The following ADAM22 variants were observed in gnomAD, a reference collection of about 807,000 sequenced individuals.
ADAM22 encodes the protein ADAM metallopeptidase domain 22.
A neutral mutation model predicts 144.6 loss-of-function variants in ADAM22; 65 were observed. That is an observed-to-expected ratio of 0.45 (90% CI 0.37 to 0.55). The LOEUF (loss-of-function observed/expected upper bound fraction) is 0.55, where lower values mean the gene tolerates loss of function less well. ADAM22 is among the 20% of genes least tolerant of loss of function. ADAM22 has a pLI of 0.00. For missense variants in ADAM22, 974 were observed against 1,184.9 expected (o/e 0.82, Z 2.61); for synonymous variants, 391 against 412.6 (o/e 0.95, Z 0.63).
chr7:88,062,576 A>G (rs1362079676), intron 3 of ADAM22, among the ~76,000 whole-genome samples: 2 of 152,194 alleles, frequency 1.3e-5, no homozygotes, highest in Non-Finnish European at 2.9e-5. Context: ...TTGCTTTTTT[A>G]TCATTCATGT....
intron 3 of ADAM22, among the ~76,000 whole-genome samples, chr7:88,060,786 A>C (rs530490933): frequency 1.3e-5 from 2 of 148,472 alleles, no homozygotes; most frequent in Non-Finnish European, 3.0e-5. Flanking sequence ...AAAAAACAAA[A>C]AACACTTTTT....
Position 88,000,751 on chromosome 7 carries a change from T to C in ADAM22, c.323+22339T>C, listed in dbSNP as rs550318449. Among the ~76,000 whole-genome samples, 4 of 152,296 alleles carry C rather than the reference T, an allele frequency of 2.6e-5. No individual in the cohort carries two copies. The South Asian group carries it at 8.3e-4, about 32-fold the overall frequency. ...GCTCTGAGATGGATACCAGTACTGA[T>C]GATGAGAATATGAATATTTTTCCAT... On this transcript the variant is annotated intron_variant, in intron 3 of 31. Transcript: ENST00000413139.
chr7:88,054,588 CTGTGTGTGTGTGTGTGTG>C (rs58027941), intron 3 of ADAM22, among the ~76,000 whole-genome samples: 4 of 132,284 alleles, frequency 3.0e-5, no homozygotes, highest in East Asian at 2.3e-4. Flanking sequence ...AGGTGCCCTC[CTGTGTGTGTGTGTGTGTG>C]TGTGTGTGTG....
chr7:88,136,488 A>G (rs1435869619), intron 14 of ADAM22, among the ~76,000 whole-genome samples: 1 of 152,108 alleles, frequency 6.6e-6, no homozygotes, highest in Admixed American at 6.6e-5. Context: ...TATTACTGAA[A>G]AGGGAGTTGG....
At chr7:88,159,345 C>T (rs1438683710) in intron 22 of ADAM22, among the ~76,000 whole-genome samples, 4 of 152,108 alleles carry the variant, frequency 2.6e-5, no homozygotes, top group Admixed American at 2.0e-4. Flanking sequence ...GAGCTGGCAC[C>T]ATTCCTACTG....
intron 3 of ADAM22, among the ~76,000 whole-genome samples, chr7:88,000,489 G>T (rs1294191870): frequency 6.6e-6 from 1 of 152,040 alleles, no homozygotes; most frequent in Non-Finnish European, 1.5e-5. Flanking sequence ...GCATATTCAG[G>T]ATTGTGCATC....
chr7:87,972,149 G>C (rs1225406031), intron 2 of ADAM22, among the ~76,000 whole-genome samples: 2 of 152,154 alleles, frequency 1.3e-5, no homozygotes, highest in Non-Finnish European at 1.5e-5. Flanking sequence ...AATTGTCCCT[G>C]TTTGCAGACG....
At position 88,180,989 on chromosome 7, in the gene ADAM22, C is replaced by A. The variant is rs116003662; in HGVS notation, c.2496-516C>A. 5.1e-3 allele frequency among the ~76,000 whole-genome samples: 772 copies of A among 152,112 alleles called. 4 individuals carry two copies. The highest frequency in any genetic ancestry group is 0.018 in the African/African-American group (752 of 41,500). ...GGACCATATTTGTGGAGAAAAATGC[C>A]AATTCTTAGAAAATAATTTTATTAC... On this transcript the variant is annotated intron_variant, in intron 27 of 31. Transcript: ENST00000413139.
At chr7:88,146,632 G>A (rs1170604067) in intron 17 of ADAM22, among the ~76,000 whole-genome samples, 2 of 152,202 alleles carry the variant, frequency 1.3e-5, no homozygotes, top group Admixed American at 6.5e-5. Flanking sequence ...ACCCCTGGTG[G>A]AGACCACTCT....
intron 3 of ADAM22, among the ~76,000 whole-genome samples, chr7:88,006,908 T>C (rs7384079): frequency 0.056 from 7,567 of 134,080 alleles, 418 homozygotes; most frequent in East Asian, 0.33. Flanking sequence ...CCAGGGCAAT[T>C]AGGCAGGAGA....
intron 5 of ADAM22, among the ~76,000 whole-genome samples, chr7:88,112,418 C>T (rs1241689869): frequency 2.0e-5 from 3 of 152,200 alleles, no homozygotes; most frequent in African/African-American, 2.4e-5. Context: ...CAATGAAAGA[C>T]AAATACTAGT....
chr7:87,940,151 C>T (rs1842177769), intron 2 of ADAM22, among the ~76,000 whole-genome samples: 1 of 140,110 alleles, frequency 7.1e-6, no homozygotes, highest in African/African-American at 2.7e-5. Context: ...CACTGCACTC[C>T]AGCCTGGGCG....
intron 2 of ADAM22, among the ~76,000 whole-genome samples, chr7:87,945,227 T>C (rs1450642234): frequency 6.6e-6 from 1 of 152,206 alleles, no homozygotes; most frequent in Admixed American, 6.5e-5. Flanking sequence ...GCATGTGGTA[T>C]GTGTTAAATA....
chr7:88,009,864 A>G (rs1278705455), intron 3 of ADAM22, among the ~76,000 whole-genome samples: 1 of 152,144 alleles, frequency 6.6e-6, no homozygotes, highest in Non-Finnish European at 1.5e-5. Context: ...AGTGGGCTCT[A>G]AGAATGTATC....
At chr7:88,084,694 C>T (rs771321089) in intron 4 of ADAM22, among the ~76,000 whole-genome samples, 57 of 152,184 alleles carry the variant, frequency 3.7e-4, no homozygotes, top group Non-Finnish European at 7.6e-4. Context: ...AAAGTTGTAA[C>T]GTTTTATATT....
At chr7:87,973,686 C>G (rs1208694152) in intron 2 of ADAM22, among the ~76,000 whole-genome samples, 6 of 151,992 alleles carry the variant, frequency 3.9e-5, no homozygotes, top group Non-Finnish European at 7.4e-5. Flanking sequence ...TTGGAACCAA[C>G]CCAAATGTCC....
intron 2 of ADAM22, among the ~76,000 whole-genome samples, chr7:87,954,049 A>T (rs996292522): frequency 6.6e-6 from 1 of 151,826 alleles, no homozygotes; most frequent in Non-Finnish European, 1.5e-5. Context: ...TGCCCGTGAG[A>T]TGGGTTTCCT....
In ADAM22 at chr7:88,111,578, A is replaced by G. The variant is rs553155267; in HGVS notation, c.474-3006A>G. On this transcript the variant is annotated intron_variant, in intron 5 of 31. Coordinates refer to ENST00000413139, the MANE Select transcript of ADAM22 (RefSeq NM_001324418.2). ...ACCTTAAAGCACGGAGTTAAGTTTG[A>G]GTTTATTGCCCTCTTGTGGAAATTT... 5.3e-5 allele frequency among the ~76,000 whole-genome samples: 8 copies of G among 152,250 alleles called. No homozygotes were observed. The East Asian group carries it at 1.5e-3, about 29-fold the overall frequency.
At chr7:88,185,448 G>A (rs1158100935) in intron 29 of ADAM22, among the ~76,000 whole-genome samples, 1 of 152,170 alleles carries the variant, frequency 6.6e-6, no homozygotes, top group African/African-American at 2.4e-5. Flanking sequence ...GAAGGAAAAT[G>A]TAACCAGAAA....
Sources: allele counts gnomAD v4.1 joint callset (sites outside exome capture counted in the v4.1 genomes callset), GRCh38; gene constraint gnomAD v4.1.1; transcripts MANE v1.5; gene names NCBI Gene and HGNC (gene_info 2026-07-23, HGNC 2026-07-21).